The following CDK5RAP2 variants were observed in gnomAD, a reference collection of about 807,000 sequenced individuals.
CDK5RAP2 encodes the protein CDK5 regulatory subunit-associated protein 2.
A neutral mutation model predicts 232.9 loss-of-function variants in CDK5RAP2; 147 were observed. The ratio of observed to expected loss-of-function variants is 0.63; its 90% CI spans 0.55 to 0.72. The LOEUF is 0.72. Ranked by LOEUF, CDK5RAP2 falls within the 30% of genes least tolerant of loss-of-function variation. The pLI is 0.00. For missense variants in CDK5RAP2, 2,195 were observed against 2,231.5 expected (o/e 0.98, Z 0.33); for synonymous variants, 833 against 833.7 (o/e 1.00, Z 0.01).
At chr9:120,475,007 T>C (rs1340403835) in intron 15 of CDK5RAP2, among the ~76,000 whole-genome samples, 1 of 152,244 alleles carries the variant, frequency 6.6e-6, no homozygotes, top group African/African-American at 2.4e-5. Context: ...CTTTTCATGC[T>C]GTCATTATTC....
intron 5 of CDK5RAP2, among the ~76,000 whole-genome samples, chr9:120,541,232 C>A (rs942284529): frequency 2.0e-5 from 3 of 152,180 alleles, no homozygotes; most frequent in Non-Finnish European, 4.4e-5. Context: ...CTCCACCCTG[C>A]CCACCAGAGT....
chr9:120,491,059 A>ACTCTGGCTT (rs2131634788), intron 13 of CDK5RAP2, among the ~76,000 whole-genome samples: 2 of 152,348 alleles, frequency 1.3e-5, no homozygotes, highest in African/African-American at 4.8e-5. Flanking sequence ...AACAAGCCAG[A>ACTCTGGCTT]GTGTGAATCC....
At chr9:120,506,622 A>G (rs369990799) in intron 12 of CDK5RAP2, among the ~76,000 whole-genome samples, 2 of 152,200 alleles carry the variant, frequency 1.3e-5, no homozygotes, top group East Asian at 3.9e-4. Flanking sequence ...ACATTACAGG[A>G]GTTTGGAAGA....
chr9:120,497,420 T>A (rs1588489756), intron 12 of CDK5RAP2, among the ~76,000 whole-genome samples: 5 of 22,128 alleles, frequency 2.3e-4, no homozygotes, highest in Non-Finnish European at 1.5e-4. Context: ...AAAAATAAAT[T>A]TAAAAAAAAA....
At chr9:120,567,991 T>C (rs935291540) in intron 3 of CDK5RAP2, among the ~76,000 whole-genome samples, 1 of 152,162 alleles carries the variant, frequency 6.6e-6, no homozygotes, top group African/African-American at 2.4e-5. Flanking sequence ...CTTTGACAAA[T>C]GTTAGCTCCC....
At chr9:120,416,525 C>T (rs2034231448) in intron 27 of CDK5RAP2, among the ~76,000 whole-genome samples, 1 of 152,146 alleles carries the variant, frequency 6.6e-6, no homozygotes, top group Non-Finnish European at 1.5e-5. Context: ...TAGCAGTTGC[C>T]TTTAGGTGGC....
intron 36 of CDK5RAP2, 131 bp from the exon 37 acceptor site, chr9:120,389,918 A>T: frequency 1.3e-6 from 1 of 797,386 alleles, no homozygotes; most frequent in Non-Finnish European, 2.2e-6. Flanking sequence ...GGTCTGAAGC[A>T]TCCAGACCAG....
chr9:120,558,262 A>G (rs1432079969), intron 3 of CDK5RAP2, among the ~76,000 whole-genome samples: 1 of 141,738 alleles, frequency 7.1e-6, no homozygotes, highest in Non-Finnish European at 1.5e-5. Flanking sequence ...AGTCCCAGCT[A>G]CTCCGGAGGC....
chr9:120,412,566 C>T (rs1230116818), intron 28 of CDK5RAP2, among the ~76,000 whole-genome samples: 2 of 152,234 alleles, frequency 1.3e-5, no homozygotes, highest in Non-Finnish European at 2.9e-5. Flanking sequence ...GCTTGTACTA[C>T]TGCAGTCATC....
At chr9:120,535,365 C>A (rs2041338693) in intron 7 of CDK5RAP2, among the ~76,000 whole-genome samples, 1 of 152,186 alleles carries the variant, frequency 6.6e-6, no homozygotes, top group Non-Finnish European at 1.5e-5. Context: ...GGTACCAAGG[C>A]AGAAGTAAAA....
chr9:120,533,015 C>A (rs2041222136), intron 7 of CDK5RAP2, among the ~76,000 whole-genome samples: 1 of 152,170 alleles, frequency 6.6e-6, no homozygotes, highest in South Asian at 2.1e-4. Flanking sequence ...TGTACCTTTA[C>A]GTGCTGTTCT....
intron 21 of CDK5RAP2, among the ~76,000 whole-genome samples, chr9:120,450,047 C>A (rs1045837664): frequency 6.6e-6 from 1 of 152,164 alleles, no homozygotes; most frequent in Admixed American, 6.5e-5. Flanking sequence ...AACATTATCA[C>A]CCCCAAAATT....
intron 5 of CDK5RAP2, among the ~76,000 whole-genome samples, chr9:120,544,951 T>C (rs1216518518): frequency 2.6e-5 from 4 of 152,240 alleles, no homozygotes; most frequent in Non-Finnish European, 5.9e-5. Flanking sequence ...CAAGTTACTA[T>C]GTAATAAATG....
Position 120,560,405 on chromosome 9 carries a change from C to T in CDK5RAP2, c.195+7916G>A, listed in dbSNP as rs549389388. Among the ~76,000 whole-genome samples the T allele has an allele frequency of 8.5e-5, 13 of 152,256 alleles. No homozygotes were observed. The East Asian group carries it at 1.9e-3, about 23-fold the overall frequency. On this transcript the variant is annotated intron_variant, in intron 3 of 37. Coordinates refer to ENST00000349780, the MANE Select transcript of CDK5RAP2 (RefSeq NM_018249.6). ...AGGGAAGAGATCTTCTCCAACCCACCCATACTGCTGTCTCAAGGCCTGTGT... is the reference window on the plus strand; with the variant it reads ...AGGGAAGAGATCTTCTCCAACCCACTCATACTGCTGTCTCAAGGCCTGTGT...
In CDK5RAP2 at chr9:120,491,407, T is replaced by TA; in HGVS notation, c.1381dup (p.Tyr461LeufsTer7). The TA allele has an allele frequency of 3.7e-6, 6 of 1,612,396 alleles. No homozygotes were observed. Among genetic ancestry groups the TA allele is most frequent in the Non-Finnish European group, 5.1e-6 (6 of 1,178,910 alleles). On this transcript the variant is annotated frameshift_variant, in exon 13 of 38. Transcript: ENST00000349780. LOFTEE classifies it high-confidence loss of function. Reference sequence around the variant, plus strand: ...ATTGCTTTCACTCAGAAGACTCTTGTAACGATTTTCCATTGCTTTCTCTCT... The same window carrying TA: ...ATTGCTTTCACTCAGAAGACTCTTGTAAACGATTTTCCATTGCTTTCTCTCT...
Position 120,525,002 on chromosome 9 carries a change from T to G in CDK5RAP2, c.1076A>C (p.Gln359Pro), listed in dbSNP as rs1447905163. Residue 359 changes from glutamine (Q) to proline (P), a missense_variant, in exon 11 of 38, where the codon CAG becomes CCG. Physicochemically the swap from Gln to Pro is moderately conservative, Grantham distance 76. Transcript: ENST00000349780. ...TACACTTACCTGAAATTCCTGGGTC[T>G]GTGCTTTCTGTAGGGCCTCTCTGGC... ...AKAREALQKA[Q>P]TQEFQGSEDY... The G allele has an allele frequency of 2.7e-5, 43 of 1,613,742 alleles. No homozygotes were observed. The highest frequency in any genetic ancestry group is 3.6e-5 in the Non-Finnish European group (42 of 1,179,704).
At chr9:120,471,525 G>C (rs1298499868) in intron 16 of CDK5RAP2, among the ~76,000 whole-genome samples, 2 of 152,206 alleles carry the variant, frequency 1.3e-5, no homozygotes, top group African/African-American at 4.8e-5. Flanking sequence ...AGTAGAGGCA[G>C]CAAGGAAGCA....
At chr9:120,409,754 G>A (rs1298938695) in intron 29 of CDK5RAP2, among the ~76,000 whole-genome samples, 2 of 152,328 alleles carry the variant, frequency 1.3e-5, no homozygotes, top group Admixed American at 1.3e-4. Context: ...CACCTCTCCT[G>A]AGGAATAAAA....
intron 5 of CDK5RAP2, 134 bp downstream of exon 5, chr9:120,545,580 G>T: frequency 1.3e-6 from 1 of 756,216 alleles, no homozygotes; most frequent in Middle Eastern, 2.3e-4. Flanking sequence ...AAATAATTAA[G>T]TAAAAACAAA....
Sources: allele counts gnomAD v4.1 joint callset (sites outside exome capture counted in the v4.1 genomes callset), GRCh38; gene constraint gnomAD v4.1.1; transcripts MANE v1.5; gene names NCBI Gene and HGNC (gene_info 2026-07-23, HGNC 2026-07-21).